Variants in RNF141 observed in about 807,000 individuals in gnomAD.
The protein encoded by RNF141 is C3HC4-like zinc finger protein.
RNF141 carries 18 observed loss-of-function variants against 27.4 expected under a neutral mutation model. That is an observed-to-expected ratio of 0.66 (90% CI 0.45 to 0.97). RNF141 has a LOEUF of 0.97. RNF141 is among the 50% of genes least tolerant of loss of function. RNF141 has a pLI of 0.00. For missense variants in RNF141, 230 were observed against 279.4 expected (o/e 0.82, Z 1.26); for synonymous variants, 97 against 96.6 (o/e 1.00, Z -0.02).
chr11:10,539,485 C>T (rs75985942), intron 1 of RNF141, among the ~76,000 whole-genome samples: 12,706 of 150,924 alleles, frequency 0.084, 644 homozygotes, highest in Admixed American at 0.14. Flanking sequence ...GTAATAAATA[C>T]CAAGTACTAC....
intron 5 of RNF141, chr11:10,516,291 C>CT (rs1849842282): frequency 6.6e-6 from 1 of 152,178 alleles, no homozygotes; most frequent in Admixed American, 6.5e-5. Flanking sequence ...CCTAAAATTA[C>CT]TAAAACAATG....
Position 10,519,062 on chromosome 11 carries a change from T to G in RNF141, c.514A>C (p.Ser172Arg). Residue 172 changes from serine to arginine, a missense_variant, in exon 5 of 6, where the codon AGC becomes CGC. Ser to Arg is a moderately radical substitution (Grantham distance 110). Coordinates refer to ENST00000265981, the MANE Select transcript of RNF141 (RefSeq NM_016422.4). ...TTATCAATACACTTCTGACAAAAGC[T>G]GTGAGCACAAGGCAGGATGAGGTCA... Reference protein sequence around the residue: ...RADLILPCAHSFCQKCIDKWS... With the variant: ...RADLILPCAHRFCQKCIDKWS... The G allele has an allele frequency of 6.2e-7, 1 of 1,614,014 alleles. No homozygotes were observed. The highest frequency in any genetic ancestry group is 8.5e-7 in the Non-Finnish European group (1 of 1,179,908).
chr11:10,530,472 A>G (rs1849975582), intron 3 of RNF141, among the ~76,000 whole-genome samples, 171 bp downstream of exon 3: 1 of 152,212 alleles, frequency 6.6e-6, no homozygotes, highest in Non-Finnish European at 1.5e-5. Flanking sequence ...CAATTAGACA[A>G]CTGTAAGATT....
In RNF141 at chr11:10,516,576, CG is replaced by C. The variant is rs1355673950; in HGVS notation, c.543-1511del. ...ACAGAGGGAAAATTCCAGAGGTCTACGGAAGTGTCCCCGCCAGAATACTCAG... is the reference window on the plus strand; with the variant it reads ...ACAGAGGGAAAATTCCAGAGGTCTACGAAGTGTCCCCGCCAGAATACTCAG... On this transcript the variant is annotated intron_variant, in intron 5 of 5. Transcript: ENST00000265981. The C allele has an allele frequency of 4.6e-5, 7 of 152,286 alleles. No individual in the cohort carries two copies. The South Asian group carries it at 1.5e-3, about 32-fold the overall frequency. 9.4% of individuals were successfully genotyped at this position (152,286 alleles called of 1,614,324 possible).
At position 10,513,845 on chromosome 11, in the gene RNF141, T is replaced by G. The variant is rs1849822316; in HGVS notation, c.*1071A>C. ...GCACCTGCCACCATGCCCAGCTAAT[T>G]TTTGTATTTTAGTAGAGAGAGGATT... On this transcript the variant is annotated 3_prime_UTR_variant, in exon 6 of 6. Transcript: ENST00000265981. The G allele has an allele frequency of 1.3e-5, 2 of 152,040 alleles. No individual in the cohort carries two copies. Among genetic ancestry groups the G allele is most frequent in the Non-Finnish European group, 1.5e-5 (1 of 68,042 alleles). The allele number at this position is 152,040 out of a possible 1,614,324, so 9.4% of individuals were successfully genotyped here. A position where few individuals can be genotyped will look rare whatever the true frequency, so the allele number is the denominator to read the frequency against.
intron 1 of RNF141, among the ~76,000 whole-genome samples, chr11:10,540,201 A>T (rs1850083094): frequency 1.3e-5 from 2 of 152,166 alleles, no homozygotes; most frequent in South Asian, 4.1e-4. Flanking sequence ...AATGGGCAGA[A>T]GGGAGTGAAA....
intron 2 of RNF141, among the ~76,000 whole-genome samples, chr11:10,532,496 TACACACACAC>T (rs10559393): frequency 2.8e-3 from 370 of 131,236 alleles, no homozygotes; most frequent in African/African-American, 6.7e-3. Flanking sequence ...GTTCATTTTC[TACACACACAC>T]ACACACACAC....
At position 10,514,709 on chromosome 11, in the gene RNF141, G is replaced by A. The variant is rs1849828911; in HGVS notation, c.*207C>T. 1 of 477,618 alleles carries A rather than the reference G, an allele frequency of 2.1e-6. No homozygotes were observed. Among genetic ancestry groups the A allele is most frequent in the Non-Finnish European group, 3.6e-6 (1 of 275,308 alleles). 29.6% of individuals were successfully genotyped at this position (477,618 alleles called of 1,614,324 possible). On this transcript the variant is annotated 3_prime_UTR_variant, in exon 6 of 6. Coordinates refer to ENST00000265981, the MANE Select transcript of RNF141 (RefSeq NM_016422.4). ...AACAGATAAATAATAGGAAAATATGGTCTAAAACAGTAGCAAATTTTAGTA... is the reference window on the plus strand; with the variant it reads ...AACAGATAAATAATAGGAAAATATGATCTAAAACAGTAGCAAATTTTAGTA...
chr11:10,539,699 T>TATATATATA (rs56298076), intron 1 of RNF141, among the ~76,000 whole-genome samples: 6 of 73,682 alleles, frequency 8.1e-5, no homozygotes, highest in African/African-American at 1.4e-4. Flanking sequence ...TACATATATA[T>TATATATATA]TAGAGAGAGA....
Position 10,514,404 on chromosome 11 carries a change from A to C in RNF141, c.*512T>G, listed in dbSNP as rs1006282307. 6.6e-6 allele frequency: 1 copy of C among 152,476 alleles called. No individual in the cohort carries two copies. The highest frequency in any genetic ancestry group is 2.4e-5 in the African/African-American group (1 of 41,228). 9.4% of individuals were successfully genotyped at this position (152,476 alleles called of 1,614,324 possible). A position where few individuals can be genotyped will look rare whatever the true frequency, so the allele number is the denominator to read the frequency against. ...ATTATTAAAGGAGCAATAATTAACCACAAGGGGGCATATATATATATACTC... is the reference window on the plus strand; with the variant it reads ...ATTATTAAAGGAGCAATAATTAACCCCAAGGGGGCATATATATATATACTC... On this transcript the variant is annotated 3_prime_UTR_variant, in exon 6 of 6. Transcript: ENST00000265981.
intron 4 of RNF141, among the ~76,000 whole-genome samples, chr11:10,523,666 C>G (rs1849907217): frequency 6.6e-6 from 1 of 152,144 alleles, no homozygotes; most frequent in Admixed American, 6.5e-5. Flanking sequence ...ACAAGCTAAT[C>G]AGGAACTGAA....
Position 10,512,025 on chromosome 11 carries a change from A to T in RNF141, c.*2891T>A, listed in dbSNP as rs1849804500. ...TTCTCAACCTCTAAATTCAGTACAT[A>T]GTAAAATTCATTTTCTCAAACTAAG... On this transcript the variant is annotated 3_prime_UTR_variant, in exon 6 of 6. Coordinates refer to ENST00000265981, the MANE Select transcript of RNF141 (RefSeq NM_016422.4). 6.6e-6 allele frequency: 1 copy of T among 152,668 alleles called. No individual in the cohort carries two copies. Among genetic ancestry groups the T allele is most frequent in the Non-Finnish European group, 1.5e-5 (1 of 68,042 alleles). The allele number at this position is 152,668 out of a possible 1,614,324, so 9.5% of individuals were successfully genotyped here.
At chr11:10,515,354 TAC>T (rs1436251259) in intron 5 of RNF141, 1 of 309,232 alleles carries the variant, frequency 3.2e-6, no homozygotes, top group Non-Finnish European at 5.9e-6. Flanking sequence ...CAATATATCT[TAC>T]AGACTAGTAT....
chr11:10,523,162 G>A (rs1013983578), intron 4 of RNF141, among the ~76,000 whole-genome samples: 4 of 152,202 alleles, frequency 2.6e-5, no homozygotes, highest in Non-Finnish European at 5.9e-5. Flanking sequence ...TATTCAAAGT[G>A]TTATCTGAGG....
intron 3 of RNF141, 21 bp from the exon 4 acceptor site, chr11:10,525,394 AAAAAG>A (rs1407881969): frequency 1.3e-6 from 2 of 1,537,514 alleles, no homozygotes; most frequent in South Asian, 1.3e-5. Context: ...AAAGAACATG[AAAAAG>A]AAAAGTTGAT....
At chr11:10,522,154 G>T (rs1849892970) in intron 4 of RNF141, among the ~76,000 whole-genome samples, 1 of 152,214 alleles carries the variant, frequency 6.6e-6, no homozygotes, top group Admixed American at 6.5e-5. Context: ...GGAAAAGAGG[G>T]AAGTCACTGA....
chr11:10,520,315 ATAAGCTTTTT>A (rs1849878506), intron 4 of RNF141, among the ~76,000 whole-genome samples: 2 of 152,220 alleles, frequency 1.3e-5, no homozygotes, highest in African/African-American at 4.8e-5. Context: ...GAAATATTTT[ATAAGCTTTTT>A]TCTATTTTTA....
chr11:10,517,134 G>A (rs1780112325), intron 5 of RNF141: 2 of 151,582 alleles, frequency 1.3e-5, no homozygotes, highest in South Asian at 4.2e-4. Flanking sequence ...ATTCTATATA[G>A]TTAAAAAACT....
intron 4 of RNF141, among the ~76,000 whole-genome samples, chr11:10,524,967 T>A (rs1849919120): frequency 6.6e-6 from 1 of 152,068 alleles, no homozygotes; most frequent in Non-Finnish European, 1.5e-5. Flanking sequence ...GAGACCAGTG[T>A]GACAGAAACA....
Sources: allele counts gnomAD v4.1 joint callset (sites outside exome capture counted in the v4.1 genomes callset), GRCh38; gene constraint gnomAD v4.1.1; transcripts MANE v1.5; gene names NCBI Gene and HGNC (gene_info 2026-07-23, HGNC 2026-07-21).